Variants in PSD2 observed in about 807,000 individuals in gnomAD.
PSD2 encodes the protein PH and SEC7 domain-containing protein 2.
Under a neutral mutation model 69.8 loss-of-function variants are expected in PSD2, and 38 were observed. That is an observed-to-expected ratio of 0.54 (90% CI 0.42 to 0.71). PSD2 has a LOEUF of 0.71. Among genes scored for constraint, PSD2 ranks in the 30% least tolerant of loss-of-function variants. The probability of loss-of-function intolerance (pLI) is 0.00; values close to 1 mark genes in which losing one functional copy is unlikely to be tolerated. For synonymous variants in PSD2, 412 were observed against 423.0 expected (o/e 0.97, Z 0.32); for missense variants, 943 against 1,014.5 (o/e 0.93, Z 0.96).
chr5:139,758,704 G>C, the PSD2 span, among the ~76,000 whole-genome samples: 1 of 152,180 alleles, frequency 6.6e-6, no homozygotes, highest in African/African-American at 2.4e-5. Flanking sequence ...GAGGAGGCAG[G>C]GTTTGGGGGC....
chr5:139,836,418 G>A (rs1760719135), intron 9 of PSD2, among the ~76,000 whole-genome samples: 1 of 152,176 alleles, frequency 6.6e-6, no homozygotes. Context: ...TTACCTGCTG[G>A]CCTCCCGCTG....
the PSD2 span, among the ~76,000 whole-genome samples, chr5:139,774,043 C>T: frequency 6.6e-6 from 1 of 152,024 alleles, no homozygotes; most frequent in Non-Finnish European, 1.5e-5. Context: ...TCACTGCAGC[C>T]TTGAACTTCT....
At chr5:139,793,900 A>G (rs1177181077), upstream of PSD2, among the ~76,000 whole-genome samples, 1 of 152,208 alleles carries the variant, frequency 6.6e-6, no homozygotes, top group African/African-American at 2.4e-5. Context: ...GTAGGAGCCC[A>G]GAAAGGTGGT....
the PSD2 span, among the ~76,000 whole-genome samples, chr5:139,787,085 C>A: frequency 6.6e-6 from 1 of 152,072 alleles, no homozygotes; most frequent in East Asian, 1.9e-4. Flanking sequence ...ATGTGTGGCC[C>A]CAGTGGTCTT....
At chr5:139,764,116 G>A in the PSD2 span, among the ~76,000 whole-genome samples, 1 of 152,198 alleles carries the variant, frequency 6.6e-6, no homozygotes, top group Admixed American at 6.5e-5. Context: ...TCCTGCATGA[G>A]GAGGGCTGAG....
Position 139,837,794 on chromosome 5 carries a change from C to T in PSD2, c.1823+12C>T. 1.2e-6 allele frequency: 2 copies of T among 1,600,532 alleles called. No homozygotes were observed. Among genetic ancestry groups the T allele is most frequent in the Non-Finnish European group, 1.7e-6 (2 of 1,170,042 alleles). ...CTCTTCCAGGCACCGTGAGTAGGAGCTGGAGCCCTTCACTCCCACCTGGGG... is the reference window on the plus strand; with the variant it reads ...CTCTTCCAGGCACCGTGAGTAGGAGTTGGAGCCCTTCACTCCCACCTGGGG... On this transcript the variant is annotated intron_variant, in intron 12 of 14. Transcript: ENST00000274710. This position sits in a 1 kb window ranked among gnomAD's most constrained non-coding sequence, Gnocchi z 5.0.
chr5:139,823,049 T>C (rs896106751), intron 7 of PSD2, among the ~76,000 whole-genome samples: 7 of 152,114 alleles, frequency 4.6e-5, no homozygotes, highest in Admixed American at 2.6e-4. Flanking sequence ...CTCTCGTCCA[T>C]GCTAAGAGAT....
rs773861408 is a variant in PSD2, at chr5:139,837,588, G to A, written c.1666-37G>A. On this transcript the variant is annotated intron_variant, in intron 11 of 14. Transcript: ENST00000274710. This position sits in a 1 kb window ranked among gnomAD's most constrained non-coding sequence, Gnocchi z 5.0. The stretch of plus-strand genomic sequence containing the variant: ...GGGGAGGGGAGAGTGGAAGGTGTGG[G>A]TCAGTGACCCTAGCTCGCCCATCCT... The A allele has an allele frequency of 6.4e-7, 1 of 1,567,434 alleles. No individual in the cohort carries two copies. Among genetic ancestry groups the A allele is most frequent in the South Asian group, 1.2e-5 (1 of 85,216 alleles).
chr5:139,798,163 G>A (rs1291873781), intron 1 of PSD2, among the ~76,000 whole-genome samples: 4 of 152,208 alleles, frequency 2.6e-5, no homozygotes, highest in Admixed American at 1.3e-4. Flanking sequence ...TTAGGCTGTC[G>A]CCCCTTGAGG....
At chr5:139,751,431 A>G in the PSD2 span, among the ~76,000 whole-genome samples, 1 of 152,090 alleles carries the variant, frequency 6.6e-6, no homozygotes, top group South Asian at 2.1e-4. Context: ...ATGGGGAGGC[A>G]TACCCACCCA....
At chr5:139,838,432 G>A (rs1209462312) in intron 12 of PSD2, among the ~76,000 whole-genome samples, 196 bp from the exon 13 acceptor site, 1 of 152,158 alleles carries the variant, frequency 6.6e-6, no homozygotes, top group Admixed American at 6.5e-5. Flanking sequence ...TGGAAGCTGG[G>A]ACAGAAAGGG....
the PSD2 span, among the ~76,000 whole-genome samples, chr5:139,781,525 T>A: frequency 2.0e-5 from 3 of 151,946 alleles, no homozygotes; most frequent in Admixed American, 2.0e-4. Flanking sequence ...TTAGTAGAGA[T>A]GGGGTTTCAC....
chr5:139,796,808 G>A (rs908881435), intron 1 of PSD2, among the ~76,000 whole-genome samples: 2 of 152,216 alleles, frequency 1.3e-5, no homozygotes, highest in East Asian at 3.9e-4. Context: ...ATCTTGGGGG[G>A]GCCAGGAAGA....
chr5:139,823,726 T>C (rs1231265167), intron 7 of PSD2, among the ~76,000 whole-genome samples: 2 of 152,220 alleles, frequency 1.3e-5, no homozygotes, highest in Non-Finnish European at 2.9e-5. Context: ...GGGCAGGGTC[T>C]GGCACCTAGT....
rs771091307 is a variant in PSD2, at chr5:139,837,554, G to C, written c.1666-71G>C. 3.4e-6 allele frequency: 5 copies of C among 1,461,860 alleles called. No homozygotes were observed. The highest frequency in any genetic ancestry group is 1.3e-5 in the South Asian group (1 of 76,824). The allele number at this position is 1,461,860 out of a possible 1,614,324, so 90.6% of individuals were successfully genotyped here. On this transcript the variant is annotated intron_variant, in intron 11 of 14. Coordinates refer to ENST00000274710, the MANE Select transcript of PSD2 (RefSeq NM_032289.4). The surrounding 1 kb of genome is among the most constrained non-coding windows in gnomAD (Gnocchi z 5.0). ...TAAGGGAGCCGTAGGGTTAGACAGA[G>C]AGCAGTGAGGGGAGGGGAGAGTGGA...
At chr5:139,803,327 T>C (rs1759719479) in intron 1 of PSD2, among the ~76,000 whole-genome samples, 1 of 152,226 alleles carries the variant, frequency 6.6e-6, no homozygotes, top group African/African-American at 2.4e-5. Context: ...GCATATCCAA[T>C]GGGTGCTGGC....
rs369528363 is a variant in PSD2, at chr5:139,838,614, C to T, written c.1824-14C>T. The T allele has an allele frequency of 5.8e-5, 93 of 1,607,300 alleles. No individual in the cohort carries two copies. The African/African-American group carries it at 7.5e-4, about 13-fold the overall frequency. ...GTGTGAGAGGCCGGCACCCTCTCCC[C>T]CTCCTGTCCCCAGGAGCAAGGAAGA... On this transcript the variant is annotated splice_polypyrimidine_tract_variant and intron_variant, in intron 12 of 14. Coordinates refer to ENST00000274710, the MANE Select transcript of PSD2 (RefSeq NM_032289.4).
the PSD2 span, among the ~76,000 whole-genome samples, chr5:139,777,540 A>C: frequency 6.6e-6 from 1 of 152,190 alleles, no homozygotes; most frequent in African/African-American, 2.4e-5. Flanking sequence ...AAGAGAATAA[A>C]ATAATTTTGA....
intron 1 of PSD2, among the ~76,000 whole-genome samples, chr5:139,805,957 G>A (rs1759795624): frequency 6.6e-6 from 1 of 152,204 alleles, no homozygotes; most frequent in African/African-American, 2.4e-5. Flanking sequence ...CACAGGGAGA[G>A]TGAGGAGGGG....
Sources: gnomAD v4.1 joint callset for allele counts (sites outside exome capture counted in the v4.1 genomes callset) on GRCh38, gnomAD v4.1.1 for gene constraint, Gnocchi (gnomAD v3.1) non-coding constraint, MANE v1.5 for transcripts, NCBI Gene and HGNC (gene_info 2026-07-23, HGNC 2026-07-21) for gene names.